EHMT1: variants seen among roughly 807,000 people sequenced by gnomAD.
EHMT1 encodes histone-lysine N-methyltransferase EHMT1.
In EHMT1, 15 loss-of-function variants were observed where a neutral mutation model predicts 147.2. The observed-to-expected ratio is 0.10, with a 90% CI of 0.07 to 0.16. EHMT1 has a LOEUF of 0.16. Among genes scored for constraint, EHMT1 ranks in the 10% least tolerant of loss-of-function variants. EHMT1 has a pLI of 1.00. For synonymous variants in EHMT1, 795 were observed against 709.6 expected (o/e 1.12, Z -1.91); for missense variants, 1,587 against 1,772.4 (o/e 0.90, Z 1.88).
At chr9:137,728,314 T>A in intron 3 of EHMT1, 35 bp from the exon 4 acceptor site, 1 of 1,614,020 alleles carries the variant, frequency 6.2e-7, no homozygotes. Context: ...CACCTGCTTA[T>A]GCAGTTATAG....
At position 137,681,944 on chromosome 9, in the gene EHMT1, T is replaced by C. The variant is rs7871045; in HGVS notation, c.22-29023T>C. ...TGAAACCGTCCTCGCGGTTTTTGTG[T>C]TTTTTTGTTTGTTTGTTTGTTTTTT... On this transcript the variant is annotated intron_variant, in intron 1 of 26. Transcript: ENST00000460843. Among the ~76,000 whole-genome samples the C allele has an allele frequency of 8.0e-3, 1,199 of 150,712 alleles. 23 individuals carry two copies. Among genetic ancestry groups the C allele is most frequent in the African/African-American group, 0.028 (1,143 of 40,944 alleles).
chr9:137,796,629 G>A (rs974773179), intron 16 of EHMT1, among the ~76,000 whole-genome samples: 1 of 147,802 alleles, frequency 6.8e-6, no homozygotes, highest in East Asian at 2.0e-4. Context: ...ACGTGAACCT[G>A]GGAGGCGGCA....
chr9:137,657,355 G>T (rs1228659513), intron 1 of EHMT1, among the ~76,000 whole-genome samples: 1 of 152,120 alleles, frequency 6.6e-6, no homozygotes, highest in African/African-American at 2.4e-5. Flanking sequence ...TCTTTCTCGT[G>T]GCAGTGTTGA....
intron 9 of EHMT1, among the ~76,000 whole-genome samples, chr9:137,759,167 C>G (rs557504333): frequency 6.6e-6 from 1 of 152,004 alleles, no homozygotes; most frequent in South Asian, 2.1e-4. Context: ...GCAACAACAA[C>G]AAAAGAAATC....
rs1043643657 is a variant in EHMT1, at chr9:137,732,976, G to A, written c.823+4447G>A. Among the ~76,000 whole-genome samples the A allele has an allele frequency of 5.9e-5, 9 of 152,240 alleles. No individual in the cohort carries two copies. Among genetic ancestry groups the A allele is most frequent in the Admixed American group, 2.0e-4 (3 of 15,290 alleles). ...TAAGTTTACCACAGGCAGGAAAGAA[G>A]AGCAGAGTCACATGTTGGTTTCAAC... On this transcript the variant is annotated intron_variant, in intron 4 of 26. Coordinates refer to ENST00000460843, the MANE Select transcript of EHMT1 (RefSeq NM_024757.5). The surrounding 1 kb of genome is among the most constrained non-coding windows in gnomAD (Gnocchi z 4.6).
chr9:137,667,635 G>C (rs1939819531), intron 1 of EHMT1: 1 of 152,192 alleles, frequency 6.6e-6, no homozygotes, highest in African/African-American at 2.4e-5. Flanking sequence ...TTTAGCATTA[G>C]AGATTTCTGG....
intron 1 of EHMT1, among the ~76,000 whole-genome samples, chr9:137,699,263 T>TA (rs1197120737): frequency 1.3e-5 from 2 of 152,280 alleles, no homozygotes; most frequent in African/African-American, 4.8e-5. Context: ...GGTTAACTGT[T>TA]ATGACACATT....
intron 1 of EHMT1, among the ~76,000 whole-genome samples, chr9:137,677,841 G>C (rs1941520478): frequency 6.6e-6 from 1 of 151,360 alleles, no homozygotes; most frequent in South Asian, 2.1e-4. Flanking sequence ...GGCGGATCAC[G>C]AAGTCAGGAG....
chr9:137,710,182 C>T (rs1008625772), intron 1 of EHMT1, among the ~76,000 whole-genome samples: 2 of 151,898 alleles, frequency 1.3e-5, no homozygotes, highest in Non-Finnish European at 2.9e-5. Context: ...AAATTCTGTC[C>T]AAGTGCCACC....
chr9:137,769,569 G>A (rs991626899), intron 10 of EHMT1, among the ~76,000 whole-genome samples: 4 of 151,500 alleles, frequency 2.6e-5, no homozygotes, highest in Admixed American at 2.0e-4. Context: ...AGTGTGGCTT[G>A]CATGGTTTCT....
chr9:137,817,532 G>C lies in EHMT1; in HGVS notation c.3461+7G>C, dbSNP rs367814560. The C allele has an allele frequency of 1.2e-6, 2 of 1,614,072 alleles. No homozygotes were observed. The highest frequency in any genetic ancestry group is 1.1e-5 in the South Asian group (1 of 91,086). On this transcript the variant is annotated splice_region_variant and intron_variant, in intron 24 of 26. Coordinates refer to ENST00000460843, the MANE Select transcript of EHMT1 (RefSeq NM_024757.5). ...CAGGCACCTTTGTCTGCGAGTGAGT[G>C]AGTCCCTGGGTCACCCCAAGCCTGG...
intron 3 of EHMT1, among the ~76,000 whole-genome samples, chr9:137,718,830 A>T (rs565241593): frequency 3.4e-5 from 5 of 147,386 alleles, no homozygotes; most frequent in South Asian, 4.2e-4. Context: ...ATCTCAGCTC[A>T]CTATAACCCC....
intron 1 of EHMT1, among the ~76,000 whole-genome samples, chr9:137,649,315 T>G (rs1845134244): frequency 6.6e-6 from 1 of 151,852 alleles, no homozygotes; most frequent in South Asian, 2.1e-4. Context: ...TAAAAATTAG[T>G]CGGATGTGGT....
intron 1 of EHMT1, among the ~76,000 whole-genome samples, chr9:137,651,565 A>C (rs1156904865): frequency 6.6e-6 from 1 of 152,168 alleles, no homozygotes; most frequent in Non-Finnish European, 1.5e-5. Context: ...AGGCAGGCGG[A>C]TCACTTGAGG....
intron 1 of EHMT1, among the ~76,000 whole-genome samples, chr9:137,632,683 C>A (rs141317281): frequency 6.6e-6 from 1 of 152,296 alleles, no homozygotes; most frequent in Admixed American, 6.5e-5. Flanking sequence ...GGATTACAGG[C>A]GTGAGCCACT....
At chr9:137,791,486 T>C (rs1264971699) in intron 16 of EHMT1, among the ~76,000 whole-genome samples, 1 of 152,144 alleles carries the variant, frequency 6.6e-6, no homozygotes, top group Non-Finnish European at 1.5e-5. Context: ...AAAAAAGAAA[T>C]TAAGAAAACG....
At chr9:137,803,059 C>T (rs555858242) in intron 18 of EHMT1, 1 of 1,230,194 alleles carries the variant, frequency 8.1e-7, no homozygotes, top group Non-Finnish European at 1.0e-6. Flanking sequence ...GCGGGGAAGG[C>T]GGCCCTAGTG....
intron 1 of EHMT1, among the ~76,000 whole-genome samples, chr9:137,639,758 G>A (rs11137164): frequency 0.015 from 2,213 of 152,202 alleles, 66 homozygotes; most frequent in African/African-American, 0.051. Flanking sequence ...TTCAGCAGTT[G>A]AATCATATAT....
intron 18 of EHMT1, among the ~76,000 whole-genome samples, chr9:137,809,731 AGCACTAAAATATTT>A (rs1954260689): frequency 1.3e-5 from 2 of 152,248 alleles, no homozygotes; most frequent in African/African-American, 4.8e-5. Context: ...GAAAATGAAA[AGCACTAAAATATTT>A]GCTGGCATTG....
Sources: allele counts gnomAD v4.1 joint callset (sites outside exome capture counted in the v4.1 genomes callset), GRCh38; gene constraint gnomAD v4.1.1; non-coding constraint Gnocchi (gnomAD v3.1); transcripts MANE v1.5; gene names NCBI Gene and HGNC (gene_info 2026-07-23, HGNC 2026-07-21).